TFAP2D: variants seen among roughly 807,000 people sequenced by gnomAD.
TFAP2D encodes the protein transcription factor AP-2 delta, also known as transcription factor AP-2-delta.
Under a neutral mutation model 43.6 loss-of-function variants are expected in TFAP2D, and 9 were observed. The ratio of observed to expected loss-of-function variants is 0.21; its 90% CI spans 0.12 to 0.36. The LOEUF (loss-of-function observed/expected upper bound fraction) is 0.36, where lower values mean the gene tolerates loss of function less well. TFAP2D is among the 10% of genes least tolerant of loss of function. TFAP2D has a pLI of 1.00. For missense variants in TFAP2D, 513 were observed against 561.4 expected, an observed-to-expected ratio of 0.91 and a Z score of 0.87; for synonymous variants, 256 against 224.9, an observed-to-expected ratio of 1.14 and a Z score of -1.24.
At chr6:50,728,508 T>A (rs982937473) in intron 3 of TFAP2D, among the ~76,000 whole-genome samples, 4 of 152,210 alleles carry the variant, frequency 2.6e-5, no homozygotes, top group African/African-American at 9.6e-5. Flanking sequence ...TAATACCTAG[T>A]CTTTGTGAGC....
intron 7 of TFAP2D, among the ~76,000 whole-genome samples, chr6:50,767,011 T>A (rs2113895201): frequency 6.6e-6 from 1 of 152,310 alleles, no homozygotes; most frequent in East Asian, 1.9e-4. Flanking sequence ...AGTTCACTGG[T>A]ACTGCTTAGA....
At chr6:50,770,355 G>A (rs1470198038) in intron 7 of TFAP2D, among the ~76,000 whole-genome samples, 2 of 152,164 alleles carry the variant, frequency 1.3e-5, no homozygotes, top group Non-Finnish European at 2.9e-5. Context: ...CACAAACTTT[G>A]GTGCAGATAA....
chr6:50,746,173 T>A (rs1021851116), intron 6 of TFAP2D, among the ~76,000 whole-genome samples: 2 of 152,180 alleles, frequency 1.3e-5, no homozygotes, highest in Non-Finnish European at 2.9e-5. Flanking sequence ...GAACTGATAG[T>A]TTCAGCTGGT....
chr6:50,755,505 G>A (rs1769252493), intron 7 of TFAP2D, among the ~76,000 whole-genome samples: 1 of 151,470 alleles, frequency 6.6e-6, no homozygotes, highest in Admixed American at 6.6e-5. Flanking sequence ...TCTAGGGCTG[G>A]ACTCAGGTAT....
intron 5 of TFAP2D, among the ~76,000 whole-genome samples, chr6:50,733,602 A>G (rs929383595): frequency 6.6e-6 from 1 of 152,134 alleles, no homozygotes; most frequent in African/African-American, 2.4e-5. Flanking sequence ...CACCCTTGTT[A>G]TATGTTTATT....
At chr6:50,718,557 T>C (rs1768663831) in intron 2 of TFAP2D, among the ~76,000 whole-genome samples, 1 of 152,134 alleles carries the variant, frequency 6.6e-6, no homozygotes, top group African/African-American at 2.4e-5. Context: ...CTACAGTGAG[T>C]GAACCTGAAG....
intron 3 of TFAP2D, among the ~76,000 whole-genome samples, chr6:50,723,697 T>C (rs932679850): frequency 1.3e-5 from 2 of 152,086 alleles, no homozygotes; most frequent in Non-Finnish European, 2.9e-5. Context: ...TTTGTGGGCG[T>C]TGGGGGTTGT....
chr6:50,724,205 C>T (rs1768772503), intron 3 of TFAP2D, among the ~76,000 whole-genome samples: 1 of 151,984 alleles, frequency 6.6e-6, no homozygotes, highest in Admixed American at 6.5e-5. Context: ...AACTCACAGG[C>T]GCACCTCGCA....
At chr6:50,765,931 A>T (rs1769435234) in intron 7 of TFAP2D, among the ~76,000 whole-genome samples, 1 of 152,214 alleles carries the variant, frequency 6.6e-6, no homozygotes. Context: ...TGTCCAAAAA[A>T]TAAAGCCAAG....
chr6:50,718,665 T>G lies in TFAP2D; in HGVS notation c.538-425T>G, dbSNP rs1768665484. ...CATAAGACATCTTGTATCCTGCATA[T>G]GAAGTAGCTCCTCTGTGTCCTCAAG... On this transcript the variant is annotated intron_variant, in intron 2 of 7. Transcript: ENST00000008391. Among the ~76,000 whole-genome samples, 3 of 152,152 alleles carry G rather than the reference T, an allele frequency of 2.0e-5. No individual in the cohort carries two copies. The South Asian group carries it at 6.2e-4, about 32-fold the overall frequency.
At chr6:50,735,665 C>G (rs1296894857) in intron 5 of TFAP2D, among the ~76,000 whole-genome samples, 1 of 152,146 alleles carries the variant, frequency 6.6e-6, no homozygotes, top group Non-Finnish European at 1.5e-5. Context: ...TTATTCCACT[C>G]TGGCCAAACT....
intron 5 of TFAP2D, among the ~76,000 whole-genome samples, chr6:50,740,291 G>A (rs1581767683): frequency 6.6e-6 from 1 of 152,266 alleles, no homozygotes; most frequent in East Asian, 1.9e-4. Flanking sequence ...TATTGTTAGA[G>A]TGACAGTTGA....
intron 7 of TFAP2D, among the ~76,000 whole-genome samples, chr6:50,752,665 C>T (rs765976539): frequency 6.6e-6 from 1 of 151,816 alleles, no homozygotes; most frequent in Non-Finnish European, 1.5e-5. Flanking sequence ...TCTCTGAAGA[C>T]TCAACTTAGG....
At chr6:50,751,145 T>C (rs927933028) in intron 6 of TFAP2D, 66 bp from the exon 7 acceptor site, 1 of 1,118,434 alleles carries the variant, frequency 8.9e-7, no homozygotes, top group Non-Finnish European at 1.3e-6. Context: ...TTTGGTTAAA[T>C]ATCATGGGAT....
In TFAP2D at chr6:50,772,921, T is replaced by C. The variant is rs912690513; in HGVS notation, c.*57T>C. On this transcript the variant is annotated 3_prime_UTR_variant, in exon 8 of 8. Transcript: ENST00000008391. ...CTTGCTGCTGATATTTTTTCTAATATATATATCATTGAGGGTGACTAATCT... is the reference window on the plus strand; with the variant it reads ...CTTGCTGCTGATATTTTTTCTAATACATATATCATTGAGGGTGACTAATCT... 14 of 1,481,004 alleles carry C rather than the reference T, an allele frequency of 9.5e-6. No individual in the cohort carries two copies. Among genetic ancestry groups the C allele is most frequent in the African/African-American group, 1.4e-5 (1 of 71,170 alleles). The allele number at this position is 1,481,004 out of a possible 1,614,324, so 91.7% of individuals were successfully genotyped here. A position where few individuals can be genotyped will look rare whatever the true frequency, so the allele number is the denominator to read the frequency against.
intron 7 of TFAP2D, among the ~76,000 whole-genome samples, chr6:50,760,441 C>T (rs1769348100): frequency 6.6e-6 from 1 of 151,904 alleles, no homozygotes; most frequent in Non-Finnish European, 1.5e-5. Flanking sequence ...TTGAAATAAG[C>T]TTTGTGAGTG....
chr6:50,769,199 G>C (rs558982766), intron 7 of TFAP2D, among the ~76,000 whole-genome samples: 2 of 152,066 alleles, frequency 1.3e-5, no homozygotes, highest in African/African-American at 2.4e-5. Flanking sequence ...CAGCCCTGAA[G>C]TGGTTTTTCA....
intron 7 of TFAP2D, among the ~76,000 whole-genome samples, chr6:50,754,025 A>G (rs1487904393): frequency 6.6e-6 from 1 of 151,890 alleles, no homozygotes; most frequent in Non-Finnish European, 1.5e-5. Context: ...ACCATTTCTA[A>G]TCAATTCTGT....
chr6:50,772,759 C>T lies in TFAP2D; in HGVS notation c.1254C>T (p.Gly418=), dbSNP rs550127521. The T allele has an allele frequency of 5.6e-5, 91 of 1,613,962 alleles. No individual in the cohort carries two copies. The highest frequency in any genetic ancestry group is 2.1e-4 in the African/African-American group (16 of 74,886). The change falls in exon 8 of 8, where the codon GGC becomes GGT. Residue 418 remains glycine, a synonymous_variant. Transcript: ENST00000008391. ...YLEKHTTHKN[G]GAADSGQGHA... ...AAAAACACACTACTCACAAGAACGGCGGAGCGGCGGATTCTGGCCAAGGAC... is the reference window on the plus strand; with the variant it reads ...AAAAACACACTACTCACAAGAACGGTGGAGCGGCGGATTCTGGCCAAGGAC...
Sources: gnomAD v4.1 joint callset for allele counts (sites outside exome capture counted in the v4.1 genomes callset) on GRCh38, gnomAD v4.1.1 for gene constraint, MANE v1.5 for transcripts, NCBI Gene and HGNC (gene_info 2026-07-23, HGNC 2026-07-21) for gene names.